SLIT1: variants seen among roughly 807,000 people sequenced by gnomAD.
The protein encoded by SLIT1 is slit guidance ligand 1.
In SLIT1, 66 loss-of-function variants were observed where a neutral mutation model predicts 186.1. The ratio of observed to expected loss-of-function variants is 0.35; its 90% CI spans 0.29 to 0.44. The LOEUF (loss-of-function observed/expected upper bound fraction) is 0.44, where lower values mean the gene tolerates loss of function less well. Among genes scored for constraint, SLIT1 ranks in the 20% least tolerant of loss-of-function variants. The probability of loss-of-function intolerance (pLI) is 1.00; values close to 1 mark genes in which losing one functional copy is unlikely to be tolerated. For missense variants in SLIT1, 1,638 were observed against 2,037.4 expected, an observed-to-expected ratio of 0.80 and a Z score of 3.77; for synonymous variants, 761 against 833.8, an observed-to-expected ratio of 0.91 and a Z score of 1.50.
chr10:97,143,665 G>A, intron 4 of SLIT1, among the ~76,000 whole-genome samples: 1 of 152,016 alleles, frequency 6.6e-6, no homozygotes, highest in Non-Finnish European at 1.5e-5. Context: ...GCCTAGAACT[G>A]GAAAAAAAGG....
At chr10:97,086,527 G>A (rs927489941) in intron 4 of SLIT1, among the ~76,000 whole-genome samples, 2 of 152,100 alleles carry the variant, frequency 1.3e-5, no homozygotes, top group African/African-American at 2.4e-5. Flanking sequence ...GCAGTGAGCC[G>A]AGATCGTGCC....
At position 97,004,121 on chromosome 10, in the gene SLIT1, T is replaced by C; in HGVS notation, c.3812A>G (p.Asp1271Gly). 6.2e-7 allele frequency: 1 copy of C among 1,613,858 alleles called. No individual in the cohort carries two copies. The highest frequency in any genetic ancestry group is 1.3e-5 in the African/African-American group (1 of 75,074). Residue 1271 changes from aspartate to glycine, a missense_variant, in exon 34 of 37, where the codon GAC becomes GGC. Transcript: ENST00000266058. The surrounding 1 kb of genome is among the most constrained non-coding windows in gnomAD (Gnocchi z 5.1). ...GAGCGTGTAATGTTTGCCAAAGTTG[T>C]CCATGGTCATGGGGCTCCCGCCATC... The part of the protein sequence containing the change: ...SIDGGSPMTM[D>G]NFGKHYTLNS...
intron 4 of SLIT1, among the ~76,000 whole-genome samples, chr10:97,112,209 TCTGCCAAGCTTCA>T (rs966260266): frequency 7.9e-5 from 12 of 152,144 alleles, no homozygotes; most frequent in Admixed American, 6.5e-5. Context: ...CTAGGGAGCC[TCTGCCAAGCTTCA>T]CTGCCAAGCT....
rs201735104 is a variant in SLIT1, at chr10:97,128,393, G to A, written c.413+29425C>T. Among the ~76,000 whole-genome samples the A allele has an allele frequency of 5.3e-5, 8 of 152,258 alleles. No homozygotes were observed. The East Asian group carries it at 1.4e-3, about 26-fold the overall frequency. ...CGATGCCCCCACCGTGGCTAGAAGC[G>A]CACGTGTGCATGCTCACACTCTCCC... On this transcript the variant is annotated intron_variant, in intron 4 of 36. Coordinates refer to ENST00000266058, the MANE Select transcript of SLIT1 (RefSeq NM_003061.3).
In SLIT1 at chr10:97,000,974, A is replaced by G; in HGVS notation, c.*138T>C. On this transcript the variant is annotated 3_prime_UTR_variant, in exon 37 of 37. Coordinates refer to ENST00000266058, the MANE Select transcript of SLIT1 (RefSeq NM_003061.3). ...GCTTTTAAAAGGCTGCTCTGGCACC[A>G]CCCCACCCAGGAGGGCCCAGCTGCC... is the stretch of plus-strand genomic sequence containing the variant. The G allele has an allele frequency of 1.5e-6, 1 of 672,612 alleles. No homozygotes were observed. The highest frequency in any genetic ancestry group is 2.5e-6 in the Non-Finnish European group (1 of 398,100). The allele number at this position is 672,612 out of a possible 1,614,324, so 41.7% of individuals were successfully genotyped here. A position where few individuals can be genotyped will look rare whatever the true frequency, so the allele number is the denominator to read the frequency against.
chr10:97,059,436 G>A, intron 11 of SLIT1, 24 bp downstream of exon 11: 3 of 1,606,988 alleles, frequency 1.9e-6, no homozygotes, highest in Non-Finnish European at 2.6e-6. Flanking sequence ...GGGCCACTGA[G>A]GAAGCCTTGG....
Position 97,001,075 on chromosome 10 carries a change from C to T in SLIT1, c.*37G>A. The T allele has an allele frequency of 1.1e-5, 17 of 1,567,786 alleles. No homozygotes were observed. Among genetic ancestry groups the T allele is most frequent in the Non-Finnish European group, 1.3e-5 (15 of 1,142,680 alleles). On this transcript the variant is annotated 3_prime_UTR_variant, in exon 37 of 37. Transcript: ENST00000266058. Reference sequence around the variant, plus strand: ...TCTCCGCTGCTGCAGCGGCTGGGGCCCCTTGCCCGCCCTCACCGGCCTGTC... The same window carrying T: ...TCTCCGCTGCTGCAGCGGCTGGGGCTCCTTGCCCGCCCTCACCGGCCTGTC...
In SLIT1 at chr10:97,012,075, T is replaced by TACACAC. The variant is rs35171328; in HGVS notation, c.3204-951_3204-946dup. 2.6e-3 allele frequency among the ~76,000 whole-genome samples: 338 copies of TACACAC among 130,908 alleles called. 4 individuals are homozygous for TACACAC. Among genetic ancestry groups the TACACAC allele is most frequent in the Non-Finnish European group, 3.4e-3 (210 of 61,140 alleles). 85.9% of individuals were successfully genotyped at this position (130,908 alleles called of 152,430 possible). ...CTATAAGAAATACTTTCAAGCCCAGTACACACACACACACACACACACACA... is the reference window on the plus strand; with the variant it reads ...CTATAAGAAATACTTTCAAGCCCAGTACACACACACACACACACACACACACACACA... On this transcript the variant is annotated intron_variant, in intron 30 of 36. Coordinates refer to ENST00000266058, the MANE Select transcript of SLIT1 (RefSeq NM_003061.3).
At chr10:97,087,626 G>T (rs944694653) in intron 4 of SLIT1, among the ~76,000 whole-genome samples, 1 of 152,106 alleles carries the variant, frequency 6.6e-6, no homozygotes. Context: ...ACAAAGGCTC[G>T]CCTCAAAGCA....
In SLIT1 at chr10:97,158,675, A is replaced by AG. The variant is rs1849985514; in HGVS notation, c.342-787_342-786insC. Among the ~76,000 whole-genome samples, 4 of 148,766 alleles carry AG rather than the reference A, an allele frequency of 2.7e-5. No homozygotes were observed. In the South Asian group the frequency reaches 6.3e-4, roughly 23 times the overall value. On this transcript the variant is annotated intron_variant, in intron 3 of 36. Transcript: ENST00000266058. ...AAACTCTGTCTCAAAAAAAAAAAAA[A>AG]AGAAAGAAAGAAAATAGTTTTATTG...
At chr10:97,161,869 C>T (rs1390471202) in intron 3 of SLIT1, among the ~76,000 whole-genome samples, 1 of 152,212 alleles carries the variant, frequency 6.6e-6, no homozygotes, top group East Asian at 1.9e-4. Context: ...CTCTTCTGTA[C>T]AACTGGGGAC....
intron 4 of SLIT1, among the ~76,000 whole-genome samples, chr10:97,106,245 G>T (rs1245924208): frequency 6.6e-6 from 1 of 152,188 alleles, no homozygotes; most frequent in Non-Finnish European, 1.5e-5. Flanking sequence ...TGAGGCAGAG[G>T]TTAACGTCAT....
intron 1 of SLIT1, among the ~76,000 whole-genome samples, chr10:97,176,300 G>A (rs1850254898): frequency 6.6e-6 from 1 of 152,046 alleles, no homozygotes; most frequent in Non-Finnish European, 1.5e-5. Context: ...CTGGCGAGAG[G>A]GAGGAGCTCT....
At chr10:97,065,925 C>A in intron 5 of SLIT1, 90 bp downstream of exon 5, 2 of 971,410 alleles carry the variant, frequency 2.1e-6, no homozygotes, top group South Asian at 2.8e-5. Flanking sequence ...GCTGCCTGGA[C>A]CACACGGCTC....
chr10:97,138,267 G>A (rs1291469202), intron 4 of SLIT1, among the ~76,000 whole-genome samples: 1 of 152,216 alleles, frequency 6.6e-6, no homozygotes, highest in East Asian at 1.9e-4. Flanking sequence ...TATTACATGC[G>A]AAGTCCAGAT....
At chr10:97,140,347 G>A (rs1849745459) in intron 4 of SLIT1, among the ~76,000 whole-genome samples, 1 of 152,078 alleles carries the variant, frequency 6.6e-6, no homozygotes, top group Non-Finnish European at 1.5e-5. Context: ...TCCCCAACAA[G>A]GGGCTAAGCT....
intron 4 of SLIT1, chr10:97,153,514 T>A (rs1849905652): frequency 6.6e-6 from 1 of 151,780 alleles, no homozygotes; most frequent in Non-Finnish European, 1.5e-5. Flanking sequence ...GGTCAACAAG[T>A]GAGAGAACAG....
At chr10:97,012,205 A>C (rs1459327340) in intron 30 of SLIT1, among the ~76,000 whole-genome samples, 2 of 151,840 alleles carry the variant, frequency 1.3e-5, no homozygotes, top group African/African-American at 4.8e-5. Context: ...GCTGTCTGAT[A>C]CTTTGTTTCA....
rs768116082 is a variant in SLIT1 at position 97,010,246 on chromosome 10, G to A, written c.3341+747C>T. Among the ~76,000 whole-genome samples the A allele has an allele frequency of 1.3e-4, 20 of 152,196 alleles. No individual in the cohort carries two copies. Among genetic ancestry groups the A allele is most frequent in the Non-Finnish European group, 2.8e-4 (19 of 68,040 alleles). On this transcript the variant is annotated intron_variant, in intron 31 of 36. Coordinates refer to ENST00000266058, the MANE Select transcript of SLIT1 (RefSeq NM_003061.3). The surrounding 1 kb of genome is among the most constrained non-coding windows in gnomAD (Gnocchi z 4.8). ...TAGCCATAAGAAGGAATGAAGTGCC[G>A]ACACATGTTACCACACGGATGAACC...
Sources: gnomAD v4.1 joint callset for allele counts (sites outside exome capture counted in the v4.1 genomes callset) on GRCh38, gnomAD v4.1.1 for gene constraint, Gnocchi (gnomAD v3.1) non-coding constraint, MANE v1.5 for transcripts, NCBI Gene and HGNC (gene_info 2026-07-23, HGNC 2026-07-21) for gene names.